The following MICU1 variants were observed in gnomAD, a reference collection of about 807,000 sequenced individuals.
MICU1 encodes calcium uptake protein 1, mitochondrial.
Under a neutral mutation model 56.8 loss-of-function variants are expected in MICU1, and 45 were observed. The ratio of observed to expected loss-of-function variants is 0.79; its 90% CI spans 0.62 to 1.02. The LOEUF (loss-of-function observed/expected upper bound fraction) is 1.02, where lower values mean the gene tolerates loss of function less well. Ranked by LOEUF, MICU1 falls within the 50% of genes least tolerant of loss-of-function variation. The pLI, the probability that MICU1 is intolerant of heterozygous loss-of-function variation, is 0.00. For synonymous variants in MICU1, 186 were observed against 195.1 expected (o/e 0.95, Z 0.39); for missense variants, 504 against 587.1 (o/e 0.86, Z 1.46).
In MICU1 at chr10:72,477,076, CCT is replaced by C; in HGVS notation, c.735+96_735+97del. ...TTAGGTACTTCAAAAATTGGAATAG[CCT>C]CTGAGTATACTGACCAAGGCTAAGG... is the stretch of plus-strand genomic sequence containing the variant. On this transcript the variant is annotated intron_variant, in intron 7 of 11. Transcript: ENST00000361114. 3.7e-6 allele frequency: 3 copies of C among 811,776 alleles called. No individual in the cohort carries two copies. In the South Asian group the frequency reaches 7.3e-5, roughly 20 times the overall value. 50.3% of individuals were successfully genotyped at this position (811,776 alleles called of 1,614,324 possible). A position where few individuals can be genotyped will look rare whatever the true frequency, so the allele number is the denominator to read the frequency against.
intron 1 of MICU1, among the ~76,000 whole-genome samples, chr10:72,597,756 T>C (rs1165314593): frequency 6.6e-6 from 1 of 152,194 alleles, no homozygotes; most frequent in Non-Finnish European, 1.5e-5. Flanking sequence ...AAACAAAGTT[T>C]GCGTACATTG....
chr10:72,509,748 G>A (rs1867381681), intron 5 of MICU1, among the ~76,000 whole-genome samples: 1 of 152,100 alleles, frequency 6.6e-6, no homozygotes, highest in African/African-American at 2.4e-5. Flanking sequence ...AGTCCAGTAT[G>A]TTATTAAGGT....
At chr10:72,529,964 T>C (rs899768682) in intron 5 of MICU1, among the ~76,000 whole-genome samples, 39 of 148,458 alleles carry the variant, frequency 2.6e-4, no homozygotes, top group African/African-American at 9.4e-4. Flanking sequence ...TTTTTTTTTT[T>C]TTTTTCTTTT....
chr10:72,485,854 C>T (rs1354650659), intron 6 of MICU1, among the ~76,000 whole-genome samples: 8 of 151,522 alleles, frequency 5.3e-5, no homozygotes, highest in East Asian at 1.9e-4. Flanking sequence ...AAGATATGGA[C>T]GGCTTCATCC....
intron 3 of MICU1, among the ~76,000 whole-genome samples, chr10:72,558,450 T>TA (rs1159641241): frequency 2.0e-5 from 3 of 152,064 alleles, no homozygotes; most frequent in Non-Finnish European, 4.4e-5. Flanking sequence ...TGAACGGCAG[T>TA]AAGTGTGCAG....
At chr10:72,574,406 C>T (rs992407973) in intron 1 of MICU1, among the ~76,000 whole-genome samples, 1 of 152,126 alleles carries the variant, frequency 6.6e-6, no homozygotes, top group South Asian at 2.1e-4. Context: ...GTAATCCCAG[C>T]TACTCGGGAG....
At chr10:72,386,515 A>G (rs1036911146) in intron 10 of MICU1, among the ~76,000 whole-genome samples, 1 of 149,734 alleles carries the variant, frequency 6.7e-6, no homozygotes, top group Non-Finnish European at 1.5e-5. Flanking sequence ...CTCAACTTCT[A>G]CGTTATATAG....
chr10:72,373,668 T>C (rs1815105351), intron 11 of MICU1, among the ~76,000 whole-genome samples: 1 of 152,220 alleles, frequency 6.6e-6, no homozygotes, highest in Non-Finnish European at 1.5e-5. Flanking sequence ...TTTCCAGGAC[T>C]TCTAGGGAAA....
At chr10:72,569,229 A>ATTTTTTTTTTTT (rs1246062078) in intron 1 of MICU1, among the ~76,000 whole-genome samples, 3 of 37,734 alleles carry the variant, frequency 8.0e-5, no homozygotes, top group Non-Finnish European at 5.9e-5. Flanking sequence ...ATATATATAT[A>ATTTTTTTTTTTT]TATATATATT....
intron 8 of MICU1, 45 bp downstream of exon 8, chr10:72,475,055 T>C: frequency 2.0e-6 from 3 of 1,532,280 alleles, no homozygotes; most frequent in Non-Finnish European, 2.7e-6. Flanking sequence ...CTCCTGCCCA[T>C]CAGTTCCACA....
At chr10:72,449,598 G>A (rs931517003) in intron 8 of MICU1, among the ~76,000 whole-genome samples, 4 of 152,074 alleles carry the variant, frequency 2.6e-5, no homozygotes, top group Admixed American at 2.0e-4. Flanking sequence ...TCCTGCAGCA[G>A]TAAAGCGTTT....
At chr10:72,399,567 A>C (rs1305642095) in intron 10 of MICU1, among the ~76,000 whole-genome samples, 1 of 151,724 alleles carries the variant, frequency 6.6e-6, no homozygotes, top group Non-Finnish European at 1.5e-5. Context: ...AATCACATGC[A>C]CCCAGGAGGC....
At chr10:72,585,993 TA>T (rs1404891213) in intron 1 of MICU1, among the ~76,000 whole-genome samples, 3 of 147,928 alleles carry the variant, frequency 2.0e-5, no homozygotes, top group Admixed American at 6.9e-5. Flanking sequence ...GTATTGTTTT[TA>T]TTTTTTCTTT....
At chr10:72,585,430 C>A (rs934848395) in intron 1 of MICU1, among the ~76,000 whole-genome samples, 2 of 152,076 alleles carry the variant, frequency 1.3e-5, no homozygotes, top group African/African-American at 4.8e-5. Context: ...CGCGGTGGCT[C>A]ACGCCTGTAA....
chr10:72,598,074 G>T (rs898011854), intron 1 of MICU1, among the ~76,000 whole-genome samples: 1 of 152,122 alleles, frequency 6.6e-6, no homozygotes, highest in African/African-American at 2.4e-5. Flanking sequence ...AACCCCAGTT[G>T]AGAATTAGTA....
In MICU1 at chr10:72,508,607, C is replaced by T. The variant is rs79986542; in HGVS notation, c.538-338G>A. On this transcript the variant is annotated intron_variant, in intron 5 of 11. Coordinates refer to ENST00000361114, the MANE Select transcript of MICU1 (RefSeq NM_001195518.2). ...ATCCACCTTCTCCTACAGAGGTATA[C>T]GTGGTAGTAAACAAATAAACAAACA... 5.5e-3 allele frequency: 915 copies of T among 165,148 alleles called. 4 individuals carry two copies. The highest frequency in any genetic ancestry group is 8.9e-3 in the Non-Finnish European group (681 of 76,946). The allele number at this position is 165,148 out of a possible 1,614,324, so 10.2% of individuals were successfully genotyped here.
At chr10:72,569,227 A>ATTTTTTTTTTTTTTTTTTTTTTTTTTTT (rs1457174727) in intron 1 of MICU1, among the ~76,000 whole-genome samples, 1 of 40,596 alleles carries the variant, frequency 2.5e-5, no homozygotes, top group South Asian at 8.2e-4. Flanking sequence ...ATATATATAT[A>ATTTTTTTTTTTTTTTTTTTTTTTTTTTT]TATATATATA....
rs7098003 is a variant in MICU1 at position 72,568,486 on chromosome 10, T to G, written c.-1-1692A>C. Among the ~76,000 whole-genome samples the G allele has an allele frequency of 5.6e-3, 854 of 152,232 alleles. 5 individuals carry two copies. Among genetic ancestry groups the G allele is most frequent in the African/African-American group, 0.02 (814 of 41,540 alleles). On this transcript the variant is annotated intron_variant, in intron 1 of 11. Coordinates refer to ENST00000361114, the MANE Select transcript of MICU1 (RefSeq NM_001195518.2). ...TAGGAGGTGCTGCTGTTAGTTTTCT[T>G]GTGTTCCTGCACTCCATCGAGGGAA... is the stretch of plus-strand genomic sequence containing the variant.
chr10:72,598,744 C>CA (rs898157563), intron 1 of MICU1, among the ~76,000 whole-genome samples: 8 of 151,866 alleles, frequency 5.3e-5, no homozygotes, highest in Non-Finnish European at 2.9e-5. Context: ...AGAATAACCC[C>CA]AAAAAATGAA....
Sources: gnomAD v4.1 joint callset for allele counts (sites outside exome capture counted in the v4.1 genomes callset) on GRCh38, gnomAD v4.1.1 for gene constraint, MANE v1.5 for transcripts, NCBI Gene and HGNC (gene_info 2026-07-23, HGNC 2026-07-21) for gene names.